The following DESI2 variants were observed in gnomAD, a reference collection of about 807,000 sequenced individuals.
DESI2 encodes deubiquitinase DESI2.
Under a neutral mutation model 24.1 loss-of-function variants are expected in DESI2, and 10 were observed. The observed-to-expected ratio is 0.41, with a 90% CI of 0.26 to 0.70. The LOEUF is 0.70. Among genes scored for constraint, DESI2 ranks in the 30% least tolerant of loss-of-function variants. The pLI is 0.29. For synonymous variants in DESI2, 71 were observed against 87.7 expected (o/e 0.81, Z 1.06); for missense variants, 122 against 234.9 (o/e 0.52, Z 3.14).
rs1677713750 is a variant in DESI2, at chr1:244,706,486, CTGACTT to C, written c.*701_*706del. The stretch of plus-strand genomic sequence containing the variant: ...CGGGGTGGTATGTTCTTACGTCTCT[CTGACTT>C]TGATGCCACTCATTCTATAGTTTAG... On this transcript the variant is annotated 3_prime_UTR_variant, in exon 5 of 5. Coordinates refer to ENST00000302550, the MANE Select transcript of DESI2 (RefSeq NM_016076.5). 1 of 152,700 alleles carries C rather than the reference CTGACTT, an allele frequency of 6.5e-6. No individual in the cohort carries two copies. The highest frequency in any genetic ancestry group is 2.1e-4 in the South Asian group (1 of 4,838). The allele number at this position is 152,700 out of a possible 1,614,324, so 9.5% of individuals were successfully genotyped here. A position where few individuals can be genotyped will look rare whatever the true frequency, so the allele number is the denominator to read the frequency against.
chr1:244,660,426 A>G (rs1268871878), intron 1 of DESI2, among the ~76,000 whole-genome samples: 2 of 152,308 alleles, frequency 1.3e-5, no homozygotes, highest in African/African-American at 2.4e-5. Context: ...TCGGCCGCCC[A>G]AAGTGCTGGG....
intron 4 of DESI2, among the ~76,000 whole-genome samples, chr1:244,696,439 T>TG: frequency 6.6e-6 from 1 of 152,158 alleles, no homozygotes; most frequent in East Asian, 1.9e-4. Flanking sequence ...TTGGGCAACA[T>TG]GGCAAAACCC....
chr1:244,705,546 T>TC lies in DESI2; in HGVS notation c.352-9dup. 6.2e-7 allele frequency: 1 copy of TC among 1,607,860 alleles called. No homozygotes were observed. Among genetic ancestry groups the TC allele is most frequent in the Non-Finnish European group, 8.5e-7 (1 of 1,174,304 alleles). On this transcript the variant is annotated splice_polypyrimidine_tract_variant and intron_variant, in intron 4 of 4. Transcript: ENST00000302550. Reference sequence around the variant, plus strand: ...CTCTTACCTAATACAGAACTCTTTCTCTTCTGTAGATTCTTTGTGGGAAAG... The same window carrying TC: ...CTCTTACCTAATACAGAACTCTTTCTCCTTCTGTAGATTCTTTGTGGGAAAG...
At chr1:244,691,319 C>G (rs1318928747) in intron 3 of DESI2, among the ~76,000 whole-genome samples, 1 of 152,260 alleles carries the variant, frequency 6.6e-6, no homozygotes, top group African/African-American at 2.4e-5. Context: ...GAACTCCTGA[C>G]CTCAGGTGAT....
chr1:244,656,851 A>G (rs1396091983), intron 1 of DESI2, among the ~76,000 whole-genome samples: 2 of 151,998 alleles, frequency 1.3e-5, no homozygotes, highest in Non-Finnish European at 2.9e-5. Context: ...CTCGGCTCAC[A>G]GCAACCTCTG....
intron 3 of DESI2, among the ~76,000 whole-genome samples, chr1:244,690,352 G>C (rs1676980041): frequency 6.6e-6 from 1 of 152,134 alleles, no homozygotes; most frequent in South Asian, 2.1e-4. Context: ...AGTTTGCTGA[G>C]AATGAGAATA....
intron 1 of DESI2, among the ~76,000 whole-genome samples, chr1:244,680,167 G>A (rs1676559893): frequency 6.6e-6 from 1 of 151,890 alleles, no homozygotes; most frequent in South Asian, 2.1e-4. Context: ...GCCATCCATG[G>A]CCAGGCACAG....
At chr1:244,698,427 G>T (rs1017511151) in intron 4 of DESI2, among the ~76,000 whole-genome samples, 3 of 152,236 alleles carry the variant, frequency 2.0e-5, no homozygotes, top group African/African-American at 7.2e-5. Context: ...AGAGGCTGGT[G>T]ATTTTCTAGC....
chr1:244,701,231 C>A (rs1422074389), intron 4 of DESI2, among the ~76,000 whole-genome samples: 1 of 86,382 alleles, frequency 1.2e-5, no homozygotes, highest in Admixed American at 1.0e-4. Context: ...CCCCCCCCCC[C>A]CCCGCCCTTT....
At chr1:244,663,278 G>A (rs1398385632) in intron 1 of DESI2, among the ~76,000 whole-genome samples, 2 of 151,658 alleles carry the variant, frequency 1.3e-5, no homozygotes, top group Non-Finnish European at 2.9e-5. Flanking sequence ...CTGGGTTCAC[G>A]CCATTCTTCT....
intron 1 of DESI2, among the ~76,000 whole-genome samples, chr1:244,657,723 C>T (rs1400399038): frequency 6.6e-6 from 1 of 152,198 alleles, no homozygotes; most frequent in African/African-American, 2.4e-5. Context: ...GCCCTTGGTT[C>T]GTCCTCTCAT....
intron 1 of DESI2, among the ~76,000 whole-genome samples, chr1:244,679,785 C>G (rs573763455): frequency 6.8e-6 from 1 of 147,310 alleles, no homozygotes; most frequent in Admixed American, 7.0e-5. Flanking sequence ...AAGAATCGCT[C>G]GAACCTGGGA....
intron 1 of DESI2, among the ~76,000 whole-genome samples, chr1:244,670,377 G>C (rs1301666601): frequency 6.6e-6 from 1 of 152,168 alleles, no homozygotes; most frequent in African/African-American, 2.4e-5. Flanking sequence ...AAAAATTCTT[G>C]AAAATTTTGA....
Position 244,708,011 on chromosome 1 carries a change from TCTTC to T in DESI2, c.*2226_*2229del, listed in dbSNP as rs1468051000. On this transcript the variant is annotated 3_prime_UTR_variant, in exon 5 of 5. Transcript: ENST00000302550. ...TATACCTGAGGTTGAGCAAGAAATG[TCTTC>T]CTTTAGAAAATCTCATTCAAGTCAG... 6.6e-6 allele frequency: 1 copy of T among 152,208 alleles called. No individual in the cohort carries two copies. Among genetic ancestry groups the T allele is most frequent in the Non-Finnish European group, 1.5e-5 (1 of 68,042 alleles). 9.4% of individuals were successfully genotyped at this position (152,208 alleles called of 1,614,324 possible).
chr1:244,656,040 T>C (rs1169048691), intron 1 of DESI2, among the ~76,000 whole-genome samples: 1 of 152,224 alleles, frequency 6.6e-6, no homozygotes, highest in Non-Finnish European at 1.5e-5. Flanking sequence ...TTGAAATATT[T>C]TTGTTTGATG....
In DESI2 at chr1:244,653,245, G is replaced by A; in HGVS notation, c.-69G>A. ...CAGGCCCCCTGAAGCGCCCGCGGGG[G>A]TGAGAGCGGCCTCCGGCCCCGCGGA... On this transcript the variant is annotated 5_prime_UTR_variant, in exon 1 of 5. In the 5' UTR this introduces an upstream ATG that the reference lacks. Transcript: ENST00000302550. 7.0e-6 allele frequency: 10 copies of A among 1,430,992 alleles called. No homozygotes were observed. The highest frequency in any genetic ancestry group is 9.2e-6 in the Non-Finnish European group (10 of 1,088,856). The allele number at this position is 1,430,992 out of a possible 1,614,324, so 88.6% of individuals were successfully genotyped here.
intron 4 of DESI2, among the ~76,000 whole-genome samples, chr1:244,704,759 G>A (rs1410659133): frequency 4.6e-5 from 7 of 152,140 alleles, no homozygotes; most frequent in African/African-American, 1.4e-4. Flanking sequence ...CCCGGGTTCA[G>A]GTGATTCTCC....
intron 4 of DESI2, chr1:244,694,544 C>G (rs1172706604): frequency 1.3e-6 from 1 of 781,652 alleles, no homozygotes; most frequent in Middle Eastern, 3.6e-4. Context: ...TTCGACCAGT[C>G]CCAGTGGTAT....
chr1:244,670,641 A>G (rs1676214063), intron 1 of DESI2, among the ~76,000 whole-genome samples: 1 of 8,822 alleles, frequency 1.1e-4, no homozygotes, highest in Non-Finnish European at 8.6e-4. Context: ...ACGTCAAGGG[A>G]CAGAGAGGTA....
Sources: allele counts gnomAD v4.1 joint callset (sites outside exome capture counted in the v4.1 genomes callset), GRCh38; gene constraint gnomAD v4.1.1; transcripts MANE v1.5; gene names NCBI Gene and HGNC (gene_info 2026-07-23, HGNC 2026-07-21).